The following DIAPH3 variants were observed in gnomAD, a reference collection of about 807,000 sequenced individuals.
DIAPH3 encodes the protein protein diaphanous homolog 3.
DIAPH3 carries 117 observed loss-of-function variants against 144.3 expected under a neutral mutation model. That is an observed-to-expected ratio of 0.81 (90% confidence interval 0.70 to 0.95). The LOEUF is 0.95. Among genes scored for constraint, DIAPH3 ranks in the 40% least tolerant of loss-of-function variants. The pLI, the probability that DIAPH3 is intolerant of heterozygous loss-of-function variation, is 0.00. For synonymous variants in DIAPH3, 519 were observed against 488.9 expected (o/e 1.06, Z -0.81); for missense variants, 1,421 against 1,412.7 (o/e 1.01, Z -0.09).
intron 22 of DIAPH3, among the ~76,000 whole-genome samples, chr13:59,860,574 T>C (rs2139923919): frequency 6.6e-6 from 1 of 152,028 alleles, no homozygotes; most frequent in South Asian, 2.1e-4. Context: ...CCGTCTCTAC[T>C]AAAAATATAA....
chr13:59,834,712 C>T (rs1374908740), intron 23 of DIAPH3, among the ~76,000 whole-genome samples: 1 of 151,670 alleles, frequency 6.6e-6, no homozygotes, highest in Non-Finnish European at 1.5e-5. Flanking sequence ...CTGTTAAACT[C>T]CAACTTCTGT....
At chr13:59,955,124 ATATTTG>A (rs959735742) in intron 17 of DIAPH3, among the ~76,000 whole-genome samples, 22 of 151,562 alleles carry the variant, frequency 1.5e-4, no homozygotes, top group Admixed American at 5.3e-4. Context: ...ACTTTTATAT[ATATTTG>A]TATTTGTATT....
chr13:59,970,810 T>C (rs935739362), intron 16 of DIAPH3, 42 bp downstream of exon 16: 1 of 1,558,110 alleles, frequency 6.4e-7, no homozygotes, highest in Non-Finnish European at 8.8e-7. Context: ...AAATTAGATT[T>C]AGATCTAAGT....
chr13:59,897,823 AG>A (rs958417628), intron 20 of DIAPH3, among the ~76,000 whole-genome samples: 2 of 151,768 alleles, frequency 1.3e-5, no homozygotes, highest in African/African-American at 4.8e-5. Flanking sequence ...AGAAGAAAAA[AG>A]TGTAAAATAA....
At chr13:59,670,583 CTT>C (rs1229739034) in intron 27 of DIAPH3, among the ~76,000 whole-genome samples, 16 of 134,648 alleles carry the variant, frequency 1.2e-4, no homozygotes, top group Admixed American at 1.5e-4. Flanking sequence ...TGGAAGTTCA[CTT>C]TTTTTTTTTT....
In DIAPH3 at chr13:60,093,638, G is replaced by T. The variant is rs2137911843; in HGVS notation, c.485C>A (p.Ala162Asp). The change falls in exon 4 of 28, where the codon GCT becomes GAT. Residue 162 changes from alanine to aspartate, a missense_variant. Transcript: ENST00000400324. ...GACAGTTTTACTTACTGTCTTAGAA[G>T]CAGTATTAATGTACTGCATCACCAT... is the stretch of plus-strand genomic sequence containing the variant. ...KEMVMQYINT[A>D]SKTGSLKRSR... 1 of 1,604,602 alleles carries T rather than the reference G, an allele frequency of 6.2e-7. No individual in the cohort carries two copies. Among genetic ancestry groups the T allele is most frequent in the Non-Finnish European group, 8.5e-7 (1 of 1,172,526 alleles).
chr13:59,921,666 A>G (rs1334762046), intron 18 of DIAPH3, among the ~76,000 whole-genome samples: 1 of 152,028 alleles, frequency 6.6e-6, no homozygotes, highest in Non-Finnish European at 1.5e-5. Flanking sequence ...AGTAAAAACT[A>G]TTACCAATTC....
rs367825913 is a variant in DIAPH3, at chr13:60,048,244, T to A, written c.496-5424A>T. 9.2e-5 allele frequency among the ~76,000 whole-genome samples: 14 copies of A among 152,284 alleles called. No individual in the cohort carries two copies. In the East Asian group the frequency reaches 2.7e-3, roughly 29 times the overall value. ...GGGATGGGTAAAGAGCAATCAAACC[T>A]TGCATTCTTGGCATAGCCAGCAAGT... On this transcript the variant is annotated intron_variant, in intron 4 of 27. Coordinates refer to ENST00000400324, the MANE Select transcript of DIAPH3 (RefSeq NM_001042517.2).
At chr13:59,683,905 T>C (rs1282515776) in intron 27 of DIAPH3, among the ~76,000 whole-genome samples, 3 of 152,186 alleles carry the variant, frequency 2.0e-5, no homozygotes. Context: ...TAGGTCTTAA[T>C]CCAATGGTGA....
chr13:60,036,273 C>T (rs2055203213), intron 5 of DIAPH3, among the ~76,000 whole-genome samples: 1 of 152,110 alleles, frequency 6.6e-6, no homozygotes, highest in African/African-American at 2.4e-5. Flanking sequence ...GTTAATATAT[C>T]AAAGAAGTGG....
chr13:60,134,606 G>A (rs74760995), intron 1 of DIAPH3, among the ~76,000 whole-genome samples: 15 of 152,150 alleles, frequency 9.9e-5, no homozygotes, highest in African/African-American at 3.4e-4. Flanking sequence ...ATTGCATTTG[G>A]TTAACCACAT....
At chr13:59,843,143 G>A (rs774811619) in intron 22 of DIAPH3, among the ~76,000 whole-genome samples, 2 of 152,142 alleles carry the variant, frequency 1.3e-5, no homozygotes, top group Non-Finnish European at 2.9e-5. Context: ...TACAAAATAT[G>A]TGTCACTCAG....
At chr13:59,750,422 G>A (rs529472842) in intron 27 of DIAPH3, among the ~76,000 whole-genome samples, 5 of 152,168 alleles carry the variant, frequency 3.3e-5, no homozygotes, top group African/African-American at 1.2e-4. Flanking sequence ...CAGCAATTAG[G>A]TTTTACAAGA....
intron 1 of DIAPH3, among the ~76,000 whole-genome samples, chr13:60,138,668 A>G (rs2059350328): frequency 6.6e-6 from 1 of 152,194 alleles, no homozygotes; most frequent in African/African-American, 2.4e-5. Context: ...TTAGTACCTA[A>G]GTATTAAAGA....
intron 27 of DIAPH3, among the ~76,000 whole-genome samples, chr13:59,773,662 T>C (rs955044949): frequency 6.6e-6 from 1 of 152,196 alleles, no homozygotes; most frequent in Non-Finnish European, 1.5e-5. Flanking sequence ...CAGGAGTCCA[T>C]CTTAGATAAA....
chr13:59,776,423 A>G (rs1022863931), intron 25 of DIAPH3, among the ~76,000 whole-genome samples: 8 of 152,132 alleles, frequency 5.3e-5, no homozygotes, highest in African/African-American at 1.9e-4. Flanking sequence ...CTATTTGAAA[A>G]TTTATTTTCA....
At chr13:59,892,843 T>C (rs2045890388) in intron 20 of DIAPH3, among the ~76,000 whole-genome samples, 1 of 151,988 alleles carries the variant, frequency 6.6e-6, no homozygotes, top group Non-Finnish European at 1.5e-5. Context: ...GCAGAAATGG[T>C]CAGACTGGAT....
At chr13:60,134,090 C>T (rs371895050) in intron 1 of DIAPH3, among the ~76,000 whole-genome samples, 90 of 152,278 alleles carry the variant, frequency 5.9e-4, no homozygotes, top group African/African-American at 1.9e-3. Context: ...TCTCTTCTCC[C>T]TTTCTTTCAC....
intron 1 of DIAPH3, among the ~76,000 whole-genome samples, chr13:60,160,498 G>A (rs918984026): frequency 1.3e-5 from 2 of 152,160 alleles, no homozygotes; most frequent in Non-Finnish European, 2.9e-5. Flanking sequence ...CACTACCTGT[G>A]TGTTGCCAAG....
Sources: allele counts gnomAD v4.1 joint callset (sites outside exome capture counted in the v4.1 genomes callset), GRCh38; gene constraint gnomAD v4.1.1; transcripts MANE v1.5; gene names NCBI Gene and HGNC (gene_info 2026-07-23, HGNC 2026-07-21).